TNFSF4: variants seen among roughly 807,000 people sequenced by gnomAD.
The protein encoded by TNFSF4 is TNF superfamily member 4.
A neutral mutation model predicts 7.3 loss-of-function variants in TNFSF4; 4 were observed. The ratio of observed to expected loss-of-function variants is 0.55; its 90% CI spans 0.27 to 1.25. TNFSF4 has a LOEUF of 1.25. TNFSF4 is among the 50% of genes most tolerant of loss of function. The probability of loss-of-function intolerance (pLI) is 0.12; values close to 1 mark genes in which losing one functional copy is unlikely to be tolerated. For synonymous variants in TNFSF4, 76 were observed against 83.7 expected (o/e 0.91, Z 0.50); for missense variants, 181 against 208.8 (o/e 0.87, Z 0.82).
At chr1:173,428,265 C>G in the TNFSF4 span, among the ~76,000 whole-genome samples, 7 of 152,222 alleles carry the variant, frequency 4.6e-5, no homozygotes, top group Non-Finnish European at 8.8e-5. Context: ...TCTTATGGGA[C>G]TACCATCCAT....
chr1:173,195,338 T>G (rs753835493), intron 1 of TNFSF4, among the ~76,000 whole-genome samples: 3 of 152,256 alleles, frequency 2.0e-5, no homozygotes, highest in African/African-American at 4.8e-5. Context: ...GTTGCCTATG[T>G]AGTTCAGGTT....
At chr1:173,256,342 C>T in the TNFSF4 span, among the ~76,000 whole-genome samples, 2 of 152,058 alleles carry the variant, frequency 1.3e-5, no homozygotes, top group Non-Finnish European at 1.5e-5. Flanking sequence ...GGTTCCAGGG[C>T]CCTCTTCCTG....
the TNFSF4 span, among the ~76,000 whole-genome samples, chr1:173,400,145 C>T: frequency 6.6e-6 from 1 of 152,240 alleles, no homozygotes; most frequent in Admixed American, 6.5e-5. Flanking sequence ...AAAGAACTCA[C>T]TTCACAGCAA....
the TNFSF4 span, among the ~76,000 whole-genome samples, chr1:173,283,569 T>C: frequency 1.3e-5 from 2 of 152,114 alleles, no homozygotes; most frequent in African/African-American, 2.4e-5. Flanking sequence ...CCAAGAATTG[T>C]AGACTATTGA....
At chr1:173,292,293 G>C in the TNFSF4 span, among the ~76,000 whole-genome samples, 909 of 152,210 alleles carry the variant, frequency 6.0e-3, 5 homozygotes, top group African/African-American at 0.021. Flanking sequence ...CCATGATCAA[G>C]TAGACTTTAT....
At chr1:173,312,599 T>C in the TNFSF4 span, among the ~76,000 whole-genome samples, 28 of 152,066 alleles carry the variant, frequency 1.8e-4, no homozygotes, top group Admixed American at 1.8e-3. Flanking sequence ...GGAAGCCAAA[T>C]AGATTTCCTA....
At chr1:173,197,204 G>C (rs1649742091) in intron 1 of TNFSF4, among the ~76,000 whole-genome samples, 1 of 152,144 alleles carries the variant, frequency 6.6e-6, no homozygotes, top group Non-Finnish European at 1.5e-5. Context: ...GAGAGAAAAA[G>C]GAACACTTTT....
At chr1:173,292,049 C>T in the TNFSF4 span, among the ~76,000 whole-genome samples, 14,230 of 151,458 alleles carry the variant, frequency 0.094, 788 homozygotes, top group Middle Eastern at 0.12. Flanking sequence ...CTGAATTATA[C>T]CAAACGTATA....
chr1:173,227,112 G>GTT, the TNFSF4 span, among the ~76,000 whole-genome samples: 2 of 136,900 alleles, frequency 1.5e-5, no homozygotes, highest in Non-Finnish European at 3.2e-5. Flanking sequence ...CTATTCTTTT[G>GTT]TTTTTTTTTT....
the TNFSF4 span, among the ~76,000 whole-genome samples, chr1:173,412,312 G>A: frequency 6.6e-6 from 1 of 152,032 alleles, no homozygotes; most frequent in African/African-American, 2.4e-5. Flanking sequence ...TTCTGTCTTC[G>A]TTTCTGGCTC....
the TNFSF4 span, among the ~76,000 whole-genome samples, chr1:173,260,843 T>A: frequency 8.5e-5 from 13 of 152,180 alleles, no homozygotes; most frequent in Non-Finnish European, 1.6e-4. Flanking sequence ...ATAAAACAAG[T>A]TGTTAGAGAC....
At chr1:173,243,140 C>T in the TNFSF4 span, among the ~76,000 whole-genome samples, 1 of 151,952 alleles carries the variant, frequency 6.6e-6, no homozygotes, top group Non-Finnish European at 1.5e-5. Context: ...AGACCTCTCA[C>T]AAGATGGTAG....
the TNFSF4 span, among the ~76,000 whole-genome samples, chr1:173,265,416 G>A: frequency 5.9e-5 from 9 of 152,252 alleles, no homozygotes; most frequent in South Asian, 4.2e-4. Flanking sequence ...CTGGTCCAGC[G>A]GGAAGGAAAG....
chr1:173,393,511 A>G, the TNFSF4 span, among the ~76,000 whole-genome samples: 2 of 152,186 alleles, frequency 1.3e-5, no homozygotes, highest in African/African-American at 2.4e-5. Flanking sequence ...GTAAGGTCCA[A>G]ACCCCTTAAC....
chr1:173,279,433 T>C, the TNFSF4 span, among the ~76,000 whole-genome samples: 2 of 152,214 alleles, frequency 1.3e-5, no homozygotes, highest in Admixed American at 6.6e-5. Flanking sequence ...ATTCTGTCTT[T>C]ATGTTGTTAA....
chr1:173,294,796 A>C, the TNFSF4 span, among the ~76,000 whole-genome samples: 1 of 152,036 alleles, frequency 6.6e-6, no homozygotes, highest in Non-Finnish European at 1.5e-5. Context: ...ACCTGTGGAT[A>C]CAGAGGGCAG....
rs1649249705 is a variant in TNFSF4 at position 173,186,835 on chromosome 1, G to A, written c.233C>T (p.Thr78Ile). The change falls in exon 3 of 3, where the codon ACT becomes ATT. Residue 78 changes from threonine to isoleucine, a missense_variant. Transcript: ENST00000281834. ...CATGATTTCATCCTCCTTTTGGGAAGTGAGGATGAAACCTTTCTCCTTCTT... is the reference window on the plus strand; with the variant it reads ...CATGATTTCATCCTCCTTTTGGGAAATGAGGATGAAACCTTTCTCCTTCTT... ...EYKKEKGFILTSQKEDEIMKV... is the reference protein window; with the variant it reads ...EYKKEKGFILISQKEDEIMKV... The A allele has an allele frequency of 6.2e-7, 1 of 1,607,436 alleles. No homozygotes were observed. The highest frequency in any genetic ancestry group is 2.2e-5 in the East Asian group (1 of 44,780).
At chr1:173,301,160 A>G in the TNFSF4 span, among the ~76,000 whole-genome samples, 1 of 151,938 alleles carries the variant, frequency 6.6e-6, no homozygotes, top group African/African-American at 2.4e-5. Context: ...TAACACATGA[A>G]CAGAGCAAAT....
At chr1:173,248,936 G>T in the TNFSF4 span, among the ~76,000 whole-genome samples, 1 of 152,132 alleles carries the variant, frequency 6.6e-6, no homozygotes, top group South Asian at 2.1e-4. Context: ...GGGATTTTAA[G>T]TAAGAACATG....
Sources: allele counts gnomAD v4.1 joint callset (sites outside exome capture counted in the v4.1 genomes callset), GRCh38; gene constraint gnomAD v4.1.1; transcripts MANE v1.5; gene names NCBI Gene and HGNC (gene_info 2026-07-23, HGNC 2026-07-21).